CADM2: variants seen among roughly 807,000 people sequenced by gnomAD.
CADM2 encodes the protein immunoglobulin superfamily member 4D.
In CADM2, 12 loss-of-function variants were observed where a neutral mutation model predicts 49.8. The observed-to-expected ratio is 0.24, with a 90% CI of 0.15 to 0.39. CADM2 has a LOEUF of 0.39. Ranked by LOEUF, CADM2 falls within the 10% of genes least tolerant of loss-of-function variation. The pLI is 1.00. For synonymous variants in CADM2, 214 were observed against 175.4 expected (o/e 1.22, Z -1.74); for missense variants, 378 against 492.3 (o/e 0.77, Z 2.20).
chr3:85,853,307 C>T (rs2075177024), intron 3 of CADM2, among the ~76,000 whole-genome samples: 1 of 151,678 alleles, frequency 6.6e-6, no homozygotes, highest in African/African-American at 2.4e-5. Context: ...ACAAAAACAA[C>T]AACAACAACA....
intron 1 of CADM2, among the ~76,000 whole-genome samples, chr3:85,094,831 T>C (rs1222343257): frequency 1.3e-5 from 2 of 151,948 alleles, no homozygotes; most frequent in African/African-American, 4.8e-5. Flanking sequence ...ATTTATCAAA[T>C]GCACTATCCA....
chr3:85,043,371 C>T (rs191847693), intron 1 of CADM2, among the ~76,000 whole-genome samples: 1 of 151,672 alleles, frequency 6.6e-6, no homozygotes, highest in Non-Finnish European at 1.5e-5. Context: ...TGTATGGGCC[C>T]GTATATGACC....
intron 1 of CADM2, among the ~76,000 whole-genome samples, chr3:85,154,370 G>T (rs530888190): frequency 3.3e-5 from 5 of 152,250 alleles, no homozygotes; most frequent in South Asian, 2.1e-4. Context: ...GAAATGAAGC[G>T]AGAAGGGAAG....
At chr3:85,452,456 A>G (rs1297907246) in intron 1 of CADM2, among the ~76,000 whole-genome samples, 4 of 152,148 alleles carry the variant, frequency 2.6e-5, no homozygotes, top group Non-Finnish European at 5.9e-5. Context: ...TATAATTACA[A>G]TAGTACTGGC....
At chr3:85,592,459 GA>G (rs998194483) in intron 1 of CADM2, among the ~76,000 whole-genome samples, 1 of 151,796 alleles carries the variant, frequency 6.6e-6, no homozygotes, top group Admixed American at 6.6e-5. Context: ...CGAATAGAAG[GA>G]AAAAAATTAC....
intron 1 of CADM2, among the ~76,000 whole-genome samples, chr3:85,110,202 T>A (rs1323371266): frequency 6.6e-6 from 1 of 151,892 alleles, no homozygotes; most frequent in Admixed American, 6.6e-5. Context: ...ACTAATGGTC[T>A]AATTAATCCC....
intron 5 of CADM2, among the ~76,000 whole-genome samples, chr3:85,899,334 G>A (rs1440329507): frequency 1.3e-5 from 2 of 151,880 alleles, no homozygotes; most frequent in Non-Finnish European, 2.9e-5. Context: ...TTTATCTAAC[G>A]CAAGATCACA....
intron 1 of CADM2, among the ~76,000 whole-genome samples, chr3:85,117,165 G>T (rs13064817): frequency 0.48 from 72,423 of 151,818 alleles, 19,043 homozygotes; most frequent in Non-Finnish European, 0.61. Context: ...AGGTTGCAGT[G>T]AGCCAATATT....
chr3:85,076,248 T>A (rs2036936150), intron 1 of CADM2, among the ~76,000 whole-genome samples: 2 of 151,268 alleles, frequency 1.3e-5, no homozygotes. Flanking sequence ...GATTTTAACA[T>A]GAGAAATATG....
At chr3:85,065,221 A>G (rs1288471534) in intron 1 of CADM2, among the ~76,000 whole-genome samples, 1 of 152,048 alleles carries the variant, frequency 6.6e-6, no homozygotes, top group Non-Finnish European at 1.5e-5. Context: ...TAGTTTAGCT[A>G]TTTTAAATTT....
intron 8 of CADM2, among the ~76,000 whole-genome samples, chr3:86,004,726 T>A (rs969140092): frequency 1.3e-5 from 2 of 152,198 alleles, no homozygotes; most frequent in Non-Finnish European, 2.9e-5. Flanking sequence ...CTGATTCCAT[T>A]TTTATTTCTT....
chr3:85,443,625 C>T (rs947370295), intron 1 of CADM2, among the ~76,000 whole-genome samples: 2 of 152,034 alleles, frequency 1.3e-5, no homozygotes, highest in African/African-American at 2.4e-5. Context: ...ATTACTTGAC[C>T]GATTTGCAGT....
At chr3:85,476,502 A>G (rs1442916520) in intron 1 of CADM2, among the ~76,000 whole-genome samples, 2 of 151,866 alleles carry the variant, frequency 1.3e-5, no homozygotes, top group African/African-American at 2.4e-5. Flanking sequence ...AGATGAATAC[A>G]TTCAGCCTCT....
intron 5 of CADM2, among the ~76,000 whole-genome samples, chr3:85,899,615 G>A (rs1054943715): frequency 5.9e-5 from 9 of 151,992 alleles, no homozygotes; most frequent in African/African-American, 2.2e-4. Context: ...CTTTATTCTA[G>A]TCAAGTTATT....
chr3:85,538,120 A>G (rs1283347683), intron 1 of CADM2, among the ~76,000 whole-genome samples: 6 of 152,148 alleles, frequency 3.9e-5, no homozygotes, highest in Non-Finnish European at 8.8e-5. Flanking sequence ...ATTTTTGTCT[A>G]TAGTACATCC....
At position 85,581,530 on chromosome 3, in the gene CADM2, G is replaced by A. The variant is rs1030882761; in HGVS notation, c.62-144992G>A. On this transcript the variant is annotated intron_variant, in intron 1 of 9. Transcript: ENST00000383699. ...AAGAAATCATGCTTCAAGCTATCGA[G>A]TCATTTTAAAAGTATATTTTTTTCT... Among the ~76,000 whole-genome samples the A allele has an allele frequency of 1.6e-4, 24 of 151,768 alleles. 1 individual carries two copies.
chr3:85,057,909 T>C (rs753286373), intron 1 of CADM2, among the ~76,000 whole-genome samples: 1 of 152,160 alleles, frequency 6.6e-6, no homozygotes. Flanking sequence ...ACTTGCATTT[T>C]CCCCAGAAAC....
intron 8 of CADM2, among the ~76,000 whole-genome samples, chr3:85,976,383 T>C (rs948494250): frequency 6.6e-6 from 1 of 151,606 alleles, no homozygotes; most frequent in Non-Finnish European, 1.5e-5. Flanking sequence ...TTCATACAAC[T>C]GTTCTGGTCT....
At chr3:85,689,945 C>CA (rs2066332826) in intron 1 of CADM2, among the ~76,000 whole-genome samples, 1 of 152,078 alleles carries the variant, frequency 6.6e-6, no homozygotes, top group African/African-American at 2.4e-5. Flanking sequence ...GCAGTTTCTG[C>CA]AAAATAATTG....
Sources: allele counts gnomAD v4.1 joint callset (sites outside exome capture counted in the v4.1 genomes callset), GRCh38; gene constraint gnomAD v4.1.1; transcripts MANE v1.5; gene names NCBI Gene and HGNC (gene_info 2026-07-23, HGNC 2026-07-21).